Variants in ZNF37A observed in about 807,000 individuals in gnomAD.
ZNF37A encodes the protein zinc finger protein 37A.
In ZNF37A, 10 loss-of-function variants were observed where a neutral mutation model predicts 12.3. The ratio of observed to expected loss-of-function variants is 0.82; its 90% CI spans 0.50 to 1.38. The LOEUF (loss-of-function observed/expected upper bound fraction) is 1.38. Among genes scored for constraint, ZNF37A ranks in the 40% most tolerant of loss-of-function variants. The pLI, the probability that ZNF37A is intolerant of heterozygous loss-of-function variation, is 0.00. For synonymous variants in ZNF37A, 207 were observed against 223.0 expected (o/e 0.93, Z 0.64); for missense variants, 580 against 651.2 (o/e 0.89, Z 1.19).
chr10:38,117,264 A>T, intron 7 of ZNF37A, 126 bp from the exon 8 acceptor site: 1 of 1,451,294 alleles, frequency 6.9e-7, no homozygotes, highest in Non-Finnish European at 9.1e-7. Flanking sequence ...GGAAGTGTGC[A>T]CATTGTCATA....
rs1564931691 is a variant in ZNF37A, at chr10:38,112,733, T to TCTTGTCTTGTCTTG, written c.16-2022_16-2021insCTTGTCTTGTCTTG. On this transcript the variant is annotated intron_variant, in intron 5 of 7. Transcript: ENST00000685332. The stretch of plus-strand genomic sequence containing the variant: ...TACAATTCTGTATTTTACATCCATT[T>TCTTGTCTTGTCTTG]TCTTTTCTTTTCTTTTCTTTTCTTT... 3.4e-4 allele frequency among the ~76,000 whole-genome samples: 22 copies of TCTTGTCTTGTCTTG among 65,418 alleles called. 4 individuals are homozygous for TCTTGTCTTGTCTTG. The highest frequency in any genetic ancestry group is 1.2e-3 in the African/African-American group (21 of 18,198). 42.9% of individuals were successfully genotyped at this position (65,418 alleles called of 152,430 possible).
In ZNF37A at chr10:38,095,149, A is replaced by G; in HGVS notation, c.-273A>G. The stretch of plus-strand genomic sequence containing the variant: ...GGCTCAAGTGACAGGAAGATGTAGG[A>G]GCTTTCTGTCTTGAATGAGGATTCG... On this transcript the variant is annotated 5_prime_UTR_variant, in exon 2 of 8. Transcript: ENST00000685332. 6.6e-6 allele frequency: 1 copy of G among 152,544 alleles called. No individual in the cohort carries two copies. The highest frequency in any genetic ancestry group is 1.5e-5 in the Non-Finnish European group (1 of 68,290). 9.4% of individuals were successfully genotyped at this position (152,544 alleles called of 1,614,324 possible).
At chr10:38,110,817 A>G (rs2068584533) in intron 5 of ZNF37A, among the ~76,000 whole-genome samples, 1 of 152,348 alleles carries the variant, frequency 6.6e-6, no homozygotes, top group Middle Eastern at 3.4e-3. Context: ...GCAATCATTA[A>G]AAAGTCAGGA....
At position 38,118,307 on chromosome 10, in the gene ZNF37A, T is replaced by C. The variant is rs2069453681; in HGVS notation, c.1156T>C (p.Tyr386His). Residue 386 changes from tyrosine to histidine, a missense_variant, in exon 8 of 8, where the codon TAT becomes CAT. Physicochemically the swap from Tyr to His is moderately conservative, Grantham distance 83. Coordinates refer to ENST00000685332, the MANE Select transcript of ZNF37A (RefSeq NM_001324250.3). Reference protein sequence around the residue: ...THTGEKPYECYACGKAFLRKS... With the variant: ...THTGEKPYECHACGKAFLRKS... ...CACAGGGGAGAAGCCCTATGAATGCTATGCATGTGGGAAAGCCTTTCTCAG... is the reference window on the plus strand; with the variant it reads ...CACAGGGGAGAAGCCCTATGAATGCCATGCATGTGGGAAAGCCTTTCTCAG... 6.2e-7 allele frequency: 1 copy of C among 1,603,370 alleles called. No homozygotes were observed. The highest frequency in any genetic ancestry group is 8.5e-7 in the Non-Finnish European group (1 of 1,175,856).
At chr10:38,143,798 G>A (rs1416310465) in intron 7 of ZNF37A, 5 of 152,016 alleles carry the variant, frequency 3.3e-5, no homozygotes, top group Admixed American at 1.3e-4. Flanking sequence ...TTTGTCTGAT[G>A]GGAGGAATCA....
intron 1 of ZNF37A, 38 bp from the exon 2 acceptor site, chr10:38,094,893 C>G (rs967867570): frequency 6.6e-6 from 1 of 152,326 alleles, no homozygotes; most frequent in African/African-American, 2.4e-5. Flanking sequence ...CACACCCAGC[C>G]TCTGGCCAGC....
intron 5 of ZNF37A, among the ~76,000 whole-genome samples, chr10:38,097,302 G>A (rs1255694464): frequency 1.3e-5 from 2 of 152,078 alleles, no homozygotes; most frequent in Admixed American, 6.6e-5. Context: ...CAAATAGGCC[G>A]GGCTAGGTGG....
Position 38,094,949 on chromosome 10 carries a change from GAT to G in ZNF37A, c.-472_-471del, listed in dbSNP as rs1230587839. 1 of 152,300 alleles carries G rather than the reference GAT, an allele frequency of 6.6e-6. No homozygotes were observed. The highest frequency in any genetic ancestry group is 1.5e-5 in the Non-Finnish European group (1 of 68,090). The allele number at this position is 152,300 out of a possible 1,614,324, so 9.4% of individuals were successfully genotyped here. A position where few individuals can be genotyped will look rare whatever the true frequency, so the allele number is the denominator to read the frequency against. On this transcript the variant is annotated 5_prime_UTR_variant, in exon 2 of 8. An upstream start codon of the reference 5' UTR is lost. Coordinates refer to ENST00000685332, the MANE Select transcript of ZNF37A (RefSeq NM_001324250.3). ...CTCGCAGGTCGCAGCTTCATTGCCT[GAT>G]GTCTTCGGGAAGTATTTTGAAGTCA...
chr10:38,130,769 C>T (rs1395921328), intron 7 of ZNF37A, among the ~76,000 whole-genome samples: 1 of 152,186 alleles, frequency 6.6e-6, no homozygotes, highest in Non-Finnish European at 1.5e-5. Context: ...CATGCCTAGC[C>T]CACCACGCTA....
At chr10:38,108,298 C>T (rs994040962) in intron 5 of ZNF37A, among the ~76,000 whole-genome samples, 4 of 152,098 alleles carry the variant, frequency 2.6e-5, no homozygotes, top group African/African-American at 9.7e-5. Context: ...TATTTGAAAC[C>T]AATGAGAACA....
At chr10:38,134,397 G>C (rs187043238) in intron 7 of ZNF37A, among the ~76,000 whole-genome samples, 1 of 152,168 alleles carries the variant, frequency 6.6e-6, no homozygotes, top group Non-Finnish European at 1.5e-5. Flanking sequence ...TACCTTTTCT[G>C]CTCTGGTTTC....
At chr10:38,112,290 G>A in intron 5 of ZNF37A, among the ~76,000 whole-genome samples, 1 of 152,102 alleles carries the variant, frequency 6.6e-6, no homozygotes, top group East Asian at 1.9e-4. Context: ...AGATTAGCCA[G>A]AAGTAAAACC....
intron 5 of ZNF37A, among the ~76,000 whole-genome samples, chr10:38,108,158 C>T (rs1408168091): frequency 1.3e-5 from 2 of 152,146 alleles, no homozygotes; most frequent in African/African-American, 4.8e-5. Context: ...GTCTCTCGGG[C>T]CACAGTGCAA....
chr10:38,104,184 G>A (rs1474689225), intron 5 of ZNF37A, among the ~76,000 whole-genome samples: 4 of 151,964 alleles, frequency 2.6e-5, no homozygotes, highest in South Asian at 2.1e-4. Flanking sequence ...TGGCTACTGT[G>A]GCCAGATAAT....
Position 38,117,556 on chromosome 10 carries a change from G to T in ZNF37A, c.405G>T (p.Trp135Cys). The change falls in exon 8 of 8, where the codon TGG becomes TGT. Residue 135 changes from tryptophan to cysteine, a missense_variant. Coordinates refer to ENST00000685332, the MANE Select transcript of ZNF37A (RefSeq NM_001324250.3). ...NSFWLNEDLIWHQKIKNWEQS... is the reference protein window; with the variant it reads ...NSFWLNEDLICHQKIKNWEQS... ...TCTGGCTGAATGAAGACCTCATTTG[G>T]CATCAGAAAATTAAAAATTGGGAAC... 1.9e-6 allele frequency: 3 copies of T among 1,613,374 alleles called. No individual in the cohort carries two copies. The highest frequency in any genetic ancestry group is 1.7e-6 in the Non-Finnish European group (2 of 1,179,810).
intron 5 of ZNF37A, among the ~76,000 whole-genome samples, chr10:38,106,635 A>G (rs1260775199): frequency 6.6e-6 from 1 of 152,188 alleles, no homozygotes; most frequent in South Asian, 2.1e-4. Flanking sequence ...TGCTAACTAG[A>G]ATAACCAGGT....
At chr10:38,148,343 G>C (rs1317045637) in exon 8 of ZNF37A, 1 of 152,224 alleles carries the variant, frequency 6.6e-6, no homozygotes, top group Non-Finnish European at 1.5e-5. Flanking sequence ...CATCAACTAA[G>C]TTATGCAAAC....
chr10:38,146,913 T>G (rs1428567426), exon 8 of ZNF37A: 4 of 394,592 alleles, frequency 1.0e-5, no homozygotes, highest in Non-Finnish European at 1.8e-5. Context: ...AAACAGAGTT[T>G]GACCCACATG....
exon 8 of ZNF37A, chr10:38,149,010 G>C (rs901399218): frequency 6.6e-6 from 1 of 151,726 alleles, no homozygotes; most frequent in Non-Finnish European, 1.5e-5. Flanking sequence ...GCTAATTTTT[G>C]TACTTTTAGT....
Sources: gnomAD v4.1 joint callset for allele counts (sites outside exome capture counted in the v4.1 genomes callset) on GRCh38, gnomAD v4.1.1 for gene constraint, MANE v1.5 for transcripts, NCBI Gene and HGNC (gene_info 2026-07-23, HGNC 2026-07-21) for gene names.